The following TIPIN variants were observed in gnomAD, a reference collection of about 807,000 sequenced individuals.
The protein encoded by TIPIN is TIMELESS-interacting protein.
In TIPIN, 29 loss-of-function variants were observed where a neutral mutation model predicts 35.6. That is an observed-to-expected ratio of 0.82 (90% confidence interval 0.61 to 1.11). TIPIN has a LOEUF of 1.11. TIPIN is among the 50% of genes most tolerant of loss of function. The pLI is 0.00. For missense variants in TIPIN, 296 were observed against 345.4 expected, an observed-to-expected ratio of 0.86 and a Z score of 1.13; for synonymous variants, 102 against 121.5, an observed-to-expected ratio of 0.84 and a Z score of 1.06.
chr15:66,342,022 A>G (rs2093090820), intron 6 of TIPIN, among the ~76,000 whole-genome samples: 1 of 152,024 alleles, frequency 6.6e-6, no homozygotes, highest in Non-Finnish European at 1.5e-5. Context: ...CATCTCTACT[A>G]AAAATACAAA....
intron 1 of TIPIN, among the ~76,000 whole-genome samples, chr15:66,381,157 C>A (rs150697327): frequency 6.6e-6 from 1 of 152,024 alleles, no homozygotes; most frequent in Admixed American, 6.6e-5. Context: ...CTCCTTCGGC[C>A]GGGCACGGTG....
chr15:66,370,126 C>T (rs1396557162), intron 1 of TIPIN, among the ~76,000 whole-genome samples: 1 of 152,156 alleles, frequency 6.6e-6, no homozygotes, highest in Non-Finnish European at 1.5e-5. Flanking sequence ...ACTTCCTTCT[C>T]CACAGCTGCC....
At chr15:66,347,289 G>A (rs1254435665) in intron 6 of TIPIN, 3 of 517,496 alleles carry the variant, frequency 5.8e-6, no homozygotes, top group Middle Eastern at 3.2e-4. Flanking sequence ...GTGTGTGACT[G>A]TCTATGGTTG....
chr15:66,356,664 C>T lies in TIPIN; in HGVS notation c.-34G>A. ...CTCACGCAGAAAACACGGGACACAG[C>T]GCGGACCTCGGCGTGCAGACTAAGC... is the stretch of plus-strand genomic sequence containing the variant. On this transcript the variant is annotated 5_prime_UTR_variant, in exon 1 of 8. Transcript: ENST00000261881. The T allele has an allele frequency of 2.0e-6, 2 of 985,732 alleles. No individual in the cohort carries two copies. Among genetic ancestry groups the T allele is most frequent in the South Asian group, 4.7e-5 (1 of 21,308 alleles). The allele number at this position is 985,732 out of a possible 1,614,324, so 61.1% of individuals were successfully genotyped here.
chr15:66,370,281 C>T (rs1432252010), intron 1 of TIPIN, among the ~76,000 whole-genome samples: 1 of 152,166 alleles, frequency 6.6e-6, no homozygotes, highest in African/African-American at 2.4e-5. Flanking sequence ...CTGGATCTGA[C>T]ATCCTGTATG....
chr15:66,359,586 T>C, upstream of TIPIN, among the ~76,000 whole-genome samples: 1 of 152,128 alleles, frequency 6.6e-6, no homozygotes, highest in East Asian at 1.9e-4. Context: ...TGACCTCAAG[T>C]GATCCATCCA....
At chr15:66,368,810 T>C (rs1309351823) in intron 1 of TIPIN, among the ~76,000 whole-genome samples, 2 of 152,198 alleles carry the variant, frequency 1.3e-5, no homozygotes. Context: ...GAAAATGTCC[T>C]AGCCAAACAA....
At chr15:66,362,762 A>C (rs974477956) in intron 1 of TIPIN, among the ~76,000 whole-genome samples, 1 of 152,324 alleles carries the variant, frequency 6.6e-6, no homozygotes, top group Non-Finnish European at 1.5e-5. Flanking sequence ...AAAGAAATGG[A>C]GTCTCTTAAA....
At chr15:66,355,459 C>A (rs2049352153) in intron 1 of TIPIN, among the ~76,000 whole-genome samples, 4 of 151,636 alleles carry the variant, frequency 2.6e-5, no homozygotes, top group African/African-American at 9.7e-5. Context: ...AATATAAAAG[C>A]AAAGCATCGG....
rs779157542 is a variant in TIPIN, at chr15:66,352,967, A to T, written c.-8-12T>A. ...TAGCATCTTTTCCTCTAGGGGAAAA[A>T]ATTAAAGTTATTTGTATTCATCCAA... On this transcript the variant is annotated splice_polypyrimidine_tract_variant and intron_variant, in intron 1 of 7. Transcript: ENST00000261881. The T allele has an allele frequency of 6.2e-7, 1 of 1,607,990 alleles. No homozygotes were observed. Among genetic ancestry groups the T allele is most frequent in the South Asian group, 1.1e-5 (1 of 90,458 alleles).
chr15:66,348,105 C>T (rs1408380215), intron 6 of TIPIN, among the ~76,000 whole-genome samples: 3 of 149,168 alleles, frequency 2.0e-5, no homozygotes, highest in African/African-American at 7.4e-5. Flanking sequence ...AACTCCTGGG[C>T]TCAAGTGATC....
intron 1 of TIPIN, among the ~76,000 whole-genome samples, chr15:66,369,542 G>T (rs950157970): frequency 4.6e-5 from 7 of 151,946 alleles, no homozygotes; most frequent in Admixed American, 2.6e-4. Context: ...TAGAGACGGG[G>T]TTTCACCATG....
At chr15:66,385,073 C>T (rs2093331784) in intron 1 of TIPIN, among the ~76,000 whole-genome samples, 1 of 152,198 alleles carries the variant, frequency 6.6e-6, no homozygotes, top group South Asian at 2.1e-4. Flanking sequence ...CTCTGTCATG[C>T]TTAATATATT....
At chr15:66,372,597 G>C (rs568281410) in intron 1 of TIPIN, among the ~76,000 whole-genome samples, 16 of 152,308 alleles carry the variant, frequency 1.1e-4, no homozygotes, top group African/African-American at 3.8e-4. Flanking sequence ...CATATATGAT[G>C]ATGGTCCCAT....
chr15:66,347,396 A>T lies in TIPIN; in HGVS notation c.475+1664T>A, dbSNP rs2093134258. On this transcript the variant is annotated intron_variant, in intron 6 of 7. Transcript: ENST00000261881. ...GAGCTGCGCTCCAAGTGAAATGCAA[A>T]CTTTCATCATAAATTATTTTGCCTA... 35 of 427,390 alleles carry T rather than the reference A, an allele frequency of 8.2e-5. 1 individual carries two copies. The highest frequency in any genetic ancestry group is 5.7e-4 in the South Asian group (35 of 61,182). 26.5% of individuals were successfully genotyped at this position (427,390 alleles called of 1,614,324 possible).
intron 6 of TIPIN, among the ~76,000 whole-genome samples, 190 bp downstream of exon 6, chr15:66,348,870 A>C (rs1231121973): frequency 6.6e-6 from 1 of 152,168 alleles, no homozygotes; most frequent in Non-Finnish European, 1.5e-5. Context: ...CCTTAAGCCC[A>C]GGAGTTGAAG....
intron 4 of TIPIN, among the ~76,000 whole-genome samples, chr15:66,349,675 T>C (rs997206083): frequency 1.3e-5 from 2 of 152,036 alleles, no homozygotes; most frequent in African/African-American, 4.8e-5. Context: ...GCTAAGGAGT[T>C]TAAGACCAGC....
chr15:66,355,335 A>G (rs1164083416), intron 1 of TIPIN, among the ~76,000 whole-genome samples: 1 of 151,072 alleles, frequency 6.6e-6, no homozygotes, highest in Non-Finnish European at 1.5e-5. Context: ...GCCCGGCCCC[A>G]GGTGCTCAAT....
At chr15:66,344,914 C>T (rs1018895095) in intron 6 of TIPIN, among the ~76,000 whole-genome samples, 3 of 151,948 alleles carry the variant, frequency 2.0e-5, no homozygotes, top group African/African-American at 4.8e-5. Flanking sequence ...ATTAGAAGTA[C>T]GCATGAAATT....
Sources: allele counts gnomAD v4.1 joint callset (sites outside exome capture counted in the v4.1 genomes callset), GRCh38; gene constraint gnomAD v4.1.1; transcripts MANE v1.5; gene names NCBI Gene and HGNC (gene_info 2026-07-23, HGNC 2026-07-21).